Variants in TRAF3 observed in about 807,000 individuals in gnomAD.
TRAF3 encodes the protein TNF receptor associated factor 3.
A neutral mutation model predicts 62.3 loss-of-function variants in TRAF3; 13 were observed. The observed-to-expected ratio is 0.21, with a 90% CI of 0.14 to 0.33. The LOEUF (loss-of-function observed/expected upper bound fraction) is 0.33. Among genes scored for constraint, TRAF3 ranks in the 10% least tolerant of loss-of-function variants. The probability of loss-of-function intolerance (pLI) is 1.00; values close to 1 mark genes in which losing one functional copy is unlikely to be tolerated. For missense variants in TRAF3, 440 were observed against 741.8 expected (o/e 0.59, Z 4.73); for synonymous variants, 269 against 283.4 (o/e 0.95, Z 0.51).
intron 5 of TRAF3, among the ~76,000 whole-genome samples, chr14:102,876,022 G>A (rs1298810595): frequency 6.6e-6 from 1 of 152,066 alleles, no homozygotes; most frequent in Non-Finnish European, 1.5e-5. Context: ...TTTTCACCAT[G>A]AAATTCTACA....
chr14:102,789,504 A>T (rs1897681044), intron 1 of TRAF3, among the ~76,000 whole-genome samples: 1 of 152,100 alleles, frequency 6.6e-6, no homozygotes, highest in African/African-American at 2.4e-5. Context: ...CATATGGGTA[A>T]TGTGCCGACG....
chr14:102,866,559 C>T (rs1318594791), intron 2 of TRAF3, among the ~76,000 whole-genome samples: 1 of 152,036 alleles, frequency 6.6e-6, no homozygotes, highest in Non-Finnish European at 1.5e-5. Context: ...AAAAAAATGA[C>T]ACCACCAGGC....
Position 102,894,980 on chromosome 14 carries a change from G to C in TRAF3, c.820-2281G>C, listed in dbSNP as rs1237516343. 7 of 433,788 alleles carry C rather than the reference G, an allele frequency of 1.6e-5. 1 individual carries two copies. Among genetic ancestry groups the C allele is most frequent in the South Asian group, 1.2e-4 (7 of 59,604 alleles). The allele number at this position is 433,788 out of a possible 1,614,324, so 26.9% of individuals were successfully genotyped here. A position where few individuals can be genotyped will look rare whatever the true frequency, so the allele number is the denominator to read the frequency against. The stretch of plus-strand genomic sequence containing the variant: ...GCCTTCCAAAGTGCTGAGACTACAC[G>C]TATGAGCCATCACAGCTGGCCTATT... On this transcript the variant is annotated intron_variant, in intron 9 of 11. Transcript: ENST00000392745.
At chr14:102,790,965 T>C (rs1897757344) in intron 1 of TRAF3, among the ~76,000 whole-genome samples, 1 of 152,018 alleles carries the variant, frequency 6.6e-6, no homozygotes, top group Non-Finnish European at 1.5e-5. Flanking sequence ...TTTGGGGGGT[T>C]GCAATCTTAA....
chr14:102,836,839 T>C (rs922263704), intron 2 of TRAF3, among the ~76,000 whole-genome samples: 2 of 152,174 alleles, frequency 1.3e-5, no homozygotes, highest in Non-Finnish European at 2.9e-5. Context: ...TGGTAATGAA[T>C]GTTTGATCAT....
At chr14:102,873,462 A>G (rs1888460780) in intron 4 of TRAF3, among the ~76,000 whole-genome samples, 2 of 152,172 alleles carry the variant, frequency 1.3e-5, no homozygotes, top group Admixed American at 1.3e-4. Context: ...ATGTTTTTTT[A>G]GTATCTCTGT....
chr14:102,847,837 CTTTGG>C (rs1886812720), intron 2 of TRAF3, among the ~76,000 whole-genome samples: 2 of 152,172 alleles, frequency 1.3e-5, no homozygotes, highest in South Asian at 4.1e-4. Flanking sequence ...ATACATGGCA[CTTTGG>C]TTTGGTTTGT....
At chr14:102,878,142 T>C (rs575474790) in intron 6 of TRAF3, among the ~76,000 whole-genome samples, 1 of 152,338 alleles carries the variant, frequency 6.6e-6, no homozygotes, top group South Asian at 2.1e-4. Flanking sequence ...ATTTTTATCT[T>C]GTCCTAGGGA....
chr14:102,806,863 A>G (rs1221035103), intron 1 of TRAF3, among the ~76,000 whole-genome samples: 3 of 152,140 alleles, frequency 2.0e-5, no homozygotes, highest in South Asian at 2.1e-4. Flanking sequence ...TGAATGGGGC[A>G]TGACTGGGGC....
chr14:102,831,428 T>C (rs1418370582), intron 2 of TRAF3, among the ~76,000 whole-genome samples: 1 of 152,216 alleles, frequency 6.6e-6, no homozygotes, highest in African/African-American at 2.4e-5. Flanking sequence ...GTAAAACATT[T>C]TTCAAAGAAA....
intron 2 of TRAF3, among the ~76,000 whole-genome samples, chr14:102,861,750 G>C (rs1887690233): frequency 6.6e-6 from 1 of 152,174 alleles, no homozygotes; most frequent in African/African-American, 2.4e-5. Context: ...AAATAAAAAA[G>C]TGGCTACTCA....
At chr14:102,814,081 G>A (rs1899365001) in intron 1 of TRAF3, among the ~76,000 whole-genome samples, 2 of 152,092 alleles carry the variant, frequency 1.3e-5, no homozygotes, top group Admixed American at 1.3e-4. Flanking sequence ...GTTCATTTTT[G>A]TATAGGATGA....
intron 2 of TRAF3, among the ~76,000 whole-genome samples, chr14:102,867,865 C>T (rs1888095525): frequency 6.6e-6 from 1 of 152,222 alleles, no homozygotes; most frequent in Non-Finnish European, 1.5e-5. Flanking sequence ...CATTTTGCCA[C>T]AGTTATGTTC....
At position 102,905,658 on chromosome 14, in the gene TRAF3, G is replaced by A. The variant is rs533868720; in HGVS notation, c.1581G>A (p.Glu527=). The change falls in exon 12 of 12, where the codon GAG becomes GAA. Residue 527 remains glutamate, a synonymous_variant. Coordinates refer to ENST00000392745, the MANE Select transcript of TRAF3 (RefSeq NM_145725.3). ...NSSSFKKPTG[E]MNIASGCPVF... ...GCAGCTTCAAGAAGCCCACTGGAGA[G>A]ATGAATATCGCCTCTGGCTGCCCAG... 3 of 1,613,606 alleles carry A rather than the reference G, an allele frequency of 1.9e-6. No homozygotes were observed. The highest frequency in any genetic ancestry group is 1.3e-5 in the African/African-American group (1 of 75,062).
chr14:102,851,454 C>T (rs1411472788), intron 2 of TRAF3, among the ~76,000 whole-genome samples: 1 of 152,144 alleles, frequency 6.6e-6, no homozygotes, highest in Non-Finnish European at 1.5e-5. Flanking sequence ...TTAGAATTTA[C>T]CATCACAGGG....
rs2139852494 is a variant in TRAF3 at position 102,875,542 on chromosome 14, A to G, written c.298-82A>G. The G allele has an allele frequency of 3.6e-6, 4 of 1,111,720 alleles. No individual in the cohort carries two copies. The East Asian group carries it at 7.5e-5, about 21-fold the overall frequency. The allele number at this position is 1,111,720 out of a possible 1,614,324, so 68.9% of individuals were successfully genotyped here. A position where few individuals can be genotyped will look rare whatever the true frequency, so the allele number is the denominator to read the frequency against. ...GTTCCTCTCTTGTTTTTTTTTTTTA[A>G]GTGGTTTTGCCTTGTCCAAAGTAGC... On this transcript the variant is annotated intron_variant, in intron 4 of 11. Coordinates refer to ENST00000392745, the MANE Select transcript of TRAF3 (RefSeq NM_145725.3).
chr14:102,820,614 A>T (rs7142664), intron 1 of TRAF3, among the ~76,000 whole-genome samples: 380 of 17,850 alleles, frequency 0.021, 7 homozygotes, highest in Admixed American at 0.034. Context: ...ATATATATAT[A>T]TTTTTTTTTT....
chr14:102,869,098 C>G (rs1888177521), intron 2 of TRAF3, among the ~76,000 whole-genome samples: 1 of 152,248 alleles, frequency 6.6e-6, no homozygotes, highest in Non-Finnish European at 1.5e-5. Context: ...CTCATGCACA[C>G]AGGGAGCCGC....
chr14:102,864,714 A>G (rs527951966), intron 2 of TRAF3, among the ~76,000 whole-genome samples: 1 of 152,320 alleles, frequency 6.6e-6, no homozygotes, highest in Non-Finnish European at 1.5e-5. Flanking sequence ...GCATGTTAGT[A>G]AAAACTGCCC....
Sources: gnomAD v4.1 joint callset for allele counts (sites outside exome capture counted in the v4.1 genomes callset) on GRCh38, gnomAD v4.1.1 for gene constraint, MANE v1.5 for transcripts, NCBI Gene and HGNC (gene_info 2026-07-23, HGNC 2026-07-21) for gene names.